The following SEC31A variants were observed in gnomAD, a reference collection of about 807,000 sequenced individuals.
SEC31A encodes the protein SEC31 homolog A, COPII component.
Under a neutral mutation model 151.0 loss-of-function variants are expected in SEC31A, and 70 were observed. That is an observed-to-expected ratio of 0.46 (90% CI 0.38 to 0.57). The LOEUF is 0.57. Ranked by LOEUF, SEC31A falls within the 20% of genes least tolerant of loss-of-function variation. SEC31A has a pLI of 0.00. For missense variants in SEC31A, 1,330 were observed against 1,471.2 expected (o/e 0.90, Z 1.57); for synonymous variants, 475 against 505.9 (o/e 0.94, Z 0.82).
Position 82,861,670 on chromosome 4 carries a change from C to T in SEC31A, c.1587G>A (p.Gly529=). 1.9e-6 allele frequency: 3 copies of T among 1,611,750 alleles called. No homozygotes were observed. The highest frequency in any genetic ancestry group is 1.7e-6 in the Non-Finnish European group (2 of 1,178,456). ...KDSDQVAQSD[G]EESPAAEEQL... is the part of the protein sequence containing the mutation. ...GCTCTTCAGCAGCAGGGCTCTCCTC[C>T]CCATCACTCTGTGCTACTTGGTCAG... is the stretch of plus-strand genomic sequence containing the variant. Residue 529 remains glycine (G), a synonymous_variant, in exon 14 of 27, where the codon GGG becomes GGA. Transcript: ENST00000395310.
At chr4:82,830,817 C>A in intron 22 of SEC31A, 1 of 259,518 alleles carries the variant, frequency 3.9e-6, no homozygotes, top group Non-Finnish European at 6.7e-6. Context: ...AAAAAATGAT[C>A]CTGATCAGAT....
chr4:82,882,784 T>A (rs1341400678), intron 1 of SEC31A, among the ~76,000 whole-genome samples: 1 of 152,218 alleles, frequency 6.6e-6, no homozygotes, highest in Non-Finnish European at 1.5e-5. Context: ...CAAGGTATAA[T>A]CCCATATACC....
At chr4:82,836,014 G>T (rs187616188) in intron 22 of SEC31A, among the ~76,000 whole-genome samples, 3 of 152,140 alleles carry the variant, frequency 2.0e-5, no homozygotes, top group Non-Finnish European at 4.4e-5. Flanking sequence ...AAAACAGTGT[G>T]GTGGTTCCTC....
At chr4:82,888,397 T>TATATATATAC (rs1741419893) in intron 1 of SEC31A, among the ~76,000 whole-genome samples, 5 of 50,742 alleles carry the variant, frequency 9.9e-5, no homozygotes, top group African/African-American at 1.4e-4. Context: ...TATATATATA[T>TATATATATAC]ACACACAGAC....
chr4:82,820,978 T>C, intron 26 of SEC31A, 59 bp downstream of exon 26: 1 of 1,436,950 alleles, frequency 7.0e-7, no homozygotes, highest in South Asian at 1.2e-5. Flanking sequence ...ATAAGACAAC[T>C]GTTTTACTAG....
intron 1 of SEC31A, among the ~76,000 whole-genome samples, chr4:82,887,465 G>A (rs1197779412): frequency 2.6e-5 from 4 of 152,234 alleles, no homozygotes; most frequent in Non-Finnish European, 4.4e-5. Flanking sequence ...CCATCTCCAA[G>A]ACAGTATCTA....
upstream of SEC31A, chr4:82,891,324 G>A: frequency 1.3e-6 from 1 of 780,616 alleles, no homozygotes; most frequent in Non-Finnish European, 2.0e-6. Flanking sequence ...CCTGGGAGGC[G>A]GGGTACGGCT....
At chr4:82,900,441 G>C in exon 1 of SEC31A, 1 of 264,984 alleles carries the variant, frequency 3.8e-6, no homozygotes, top group Non-Finnish European at 7.3e-6. Context: ...CGCATTTTCA[G>C]GCTTGGCCTC....
At chr4:82,889,849 C>A (rs1741887211) in intron 1 of SEC31A, among the ~76,000 whole-genome samples, 2 of 152,002 alleles carry the variant, frequency 1.3e-5, no homozygotes, top group Non-Finnish European at 2.9e-5. Context: ...ACGAGTTATC[C>A]AAAAGTTCTT....
chr4:82,841,743 G>A (rs1175646371), intron 22 of SEC31A, among the ~76,000 whole-genome samples: 2 of 151,320 alleles, frequency 1.3e-5, no homozygotes, highest in South Asian at 2.1e-4. Flanking sequence ...AGGCCGAAGC[G>A]GGTGGATCAC....
chr4:82,875,873 T>C, intron 4 of SEC31A, 51 bp from the exon 5 acceptor site: 1 of 950,948 alleles, frequency 1.1e-6, no homozygotes, highest in Non-Finnish European at 1.6e-6. Flanking sequence ...TTAAGAAAAT[T>C]CAGAATAACT....
At chr4:82,898,675 G>A (rs1038089146) in intron 3 of SEC31A, among the ~76,000 whole-genome samples, 1 of 152,196 alleles carries the variant, frequency 6.6e-6, no homozygotes, top group Non-Finnish European at 1.5e-5. Flanking sequence ...GCCTGTATCT[G>A]CAAACTTTTG....
In SEC31A at chr4:82,844,530, A is replaced by G. The variant is rs566649525; in HGVS notation, c.2503-21T>C. 1.2e-5 allele frequency: 19 copies of G among 1,611,148 alleles called. No homozygotes were observed. The Admixed American group carries it at 2.3e-4, about 20-fold the overall frequency. Reference sequence around the variant, plus strand: ...TCTCCCTAAGAAACAAGAACATGGTAAGAAGGCGGATACAAGTAGAACCAG... The same window carrying G: ...TCTCCCTAAGAAACAAGAACATGGTGAGAAGGCGGATACAAGTAGAACCAG... On this transcript the variant is annotated intron_variant, in intron 20 of 26. Transcript: ENST00000395310.
At chr4:82,859,145 A>C (rs1362838720) in intron 14 of SEC31A, among the ~76,000 whole-genome samples, 1 of 152,194 alleles carries the variant, frequency 6.6e-6, no homozygotes, top group Non-Finnish European at 1.5e-5. Flanking sequence ...AAAAAATCAC[A>C]TGGTACCCAT....
In SEC31A at chr4:82,867,155, C is replaced by T; in HGVS notation, c.1044G>A (p.Lys348=). The T allele has an allele frequency of 6.2e-7, 1 of 1,612,140 alleles. No individual in the cohort carries two copies. The highest frequency in any genetic ancestry group is 8.5e-7 in the Non-Finnish European group (1 of 1,178,614). Residue 348 remains lysine (K), a splice_region_variant and synonymous_variant, in exon 9 of 27, where the codon AAG becomes AAA. Coordinates refer to ENST00000395310, the MANE Select transcript of SEC31A (RefSeq NM_001077207.4). ...TDGLRQKQVD[K]LSSSFGNLDP... Reference sequence around the variant, plus strand: ...AGAAAACTTTAACACTTCCTATTACCTTGTCAACTTGTTTCTGTCTTAAAC... The same window carrying T: ...AGAAAACTTTAACACTTCCTATTACTTTGTCAACTTGTTTCTGTCTTAAAC...
chr4:82,832,255 A>G (rs937790132), intron 22 of SEC31A, among the ~76,000 whole-genome samples: 1 of 152,166 alleles, frequency 6.6e-6, no homozygotes, highest in Admixed American at 6.5e-5. Context: ...ATACCACCAC[A>G]CATCTACCAG....
chr4:82,890,874 G>C (rs1432210398), intron 1 of SEC31A: 2 of 1,382,614 alleles, frequency 1.4e-6, no homozygotes, highest in Admixed American at 6.5e-5. Flanking sequence ...TGGAGACGTC[G>C]GCGAATGCGG....
chr4:82,830,582 T>C (rs1725727085), intron 22 of SEC31A, among the ~76,000 whole-genome samples: 1 of 152,266 alleles, frequency 6.6e-6, no homozygotes, highest in South Asian at 2.1e-4. Context: ...TATTAACTCA[T>C]ATGCTGCTTT....
At chr4:82,892,119 G>C (rs1051917632), upstream of SEC31A, among the ~76,000 whole-genome samples, 1 of 152,238 alleles carries the variant, frequency 6.6e-6, no homozygotes, top group Non-Finnish European at 1.5e-5. Flanking sequence ...TCATAAGACA[G>C]CTTAACATCA....
Sources: allele counts gnomAD v4.1 joint callset (sites outside exome capture counted in the v4.1 genomes callset), GRCh38; gene constraint gnomAD v4.1.1; transcripts MANE v1.5; gene names NCBI Gene and HGNC (gene_info 2026-07-23, HGNC 2026-07-21).